Variants in CNTNAP3 observed in about 807,000 individuals in gnomAD.
The protein encoded by CNTNAP3 is contactin-associated protein-like 3.
In CNTNAP3, 36 loss-of-function variants were observed where a neutral mutation model predicts 92.1. The ratio of observed to expected loss-of-function variants is 0.39; its 90% CI spans 0.30 to 0.52. The LOEUF (loss-of-function observed/expected upper bound fraction) is 0.52, where lower values mean the gene tolerates loss of function less well. CNTNAP3 is among the 20% of genes least tolerant of loss of function. CNTNAP3 has a pLI of 0.76. For synonymous variants in CNTNAP3, 232 were observed against 422.3 expected (o/e 0.55, Z 5.53); for missense variants, 534 against 1,069.6 (o/e 0.50, Z 6.98).
chr9:39,142,471 G>C (rs1201875692), intron 11 of CNTNAP3, among the ~76,000 whole-genome samples: 2 of 152,058 alleles, frequency 1.3e-5, no homozygotes, highest in East Asian at 3.9e-4. Flanking sequence ...AGGAGATCGA[G>C]ACCATCCCGG....
chr9:39,120,074 A>G (rs1359882604), intron 13 of CNTNAP3, among the ~76,000 whole-genome samples: 3 of 152,318 alleles, frequency 2.0e-5, no homozygotes, highest in Non-Finnish European at 2.9e-5. Flanking sequence ...GTGGTGAAAG[A>G]CACAAACCCA....
At chr9:39,129,961 G>A (rs1037580682) in intron 13 of CNTNAP3, among the ~76,000 whole-genome samples, 69 of 152,252 alleles carry the variant, frequency 4.5e-4, no homozygotes, top group African/African-American at 1.6e-3. Flanking sequence ...TTACTACACA[G>A]TTATCAGAAT....
intron 19 of CNTNAP3, among the ~76,000 whole-genome samples, chr9:39,087,489 T>TTTG (rs58778684): frequency 0.2 from 29,713 of 151,702 alleles, 3,054 homozygotes; most frequent in East Asian, 0.27. Context: ...AGATTTTTTT[T>TTTG]TTTGTTTGTT....
intron 13 of CNTNAP3, among the ~76,000 whole-genome samples, chr9:39,119,528 G>T (rs550398221): frequency 2.0e-5 from 3 of 152,034 alleles, no homozygotes; most frequent in East Asian, 1.9e-4. Context: ...TTAAACTGTC[G>T]CAGATTAAAG....
chr9:39,094,957 A>G (rs1301281639), intron 18 of CNTNAP3, among the ~76,000 whole-genome samples: 2 of 151,382 alleles, frequency 1.3e-5, no homozygotes, highest in African/African-American at 4.8e-5. Context: ...AAGTTTTCCA[A>G]TTCATGAATA....
chr9:39,138,928 T>G (rs1158517299), intron 12 of CNTNAP3, among the ~76,000 whole-genome samples: 1 of 152,188 alleles, frequency 6.6e-6, no homozygotes, highest in Non-Finnish European at 1.5e-5. Flanking sequence ...TCAGTTTGCC[T>G]GGCTTTTTAC....
intron 13 of CNTNAP3, among the ~76,000 whole-genome samples, chr9:39,119,130 G>A (rs1039528318): frequency 1.3e-5 from 2 of 152,064 alleles, no homozygotes; most frequent in African/African-American, 4.8e-5. Context: ...TCACAGATGA[G>A]GCCATGAGGA....
intron 13 of CNTNAP3, among the ~76,000 whole-genome samples, chr9:39,125,901 C>T (rs1369895586): frequency 6.6e-6 from 1 of 152,074 alleles, no homozygotes; most frequent in African/African-American, 2.4e-5. Flanking sequence ...CTTCAACACC[C>T]CTCTATGAGT....
intron 18 of CNTNAP3, among the ~76,000 whole-genome samples, chr9:39,096,971 T>C (rs1462061640): frequency 6.6e-6 from 1 of 151,518 alleles, no homozygotes; most frequent in East Asian, 1.9e-4. Context: ...TTCTGATCCT[T>C]TCTCTCTCTC....
At chr9:39,113,423 A>G (rs1204355824) in intron 14 of CNTNAP3, among the ~76,000 whole-genome samples, 2 of 152,158 alleles carry the variant, frequency 1.3e-5, no homozygotes, top group Admixed American at 1.3e-4. Flanking sequence ...AATGGTAATT[A>G]TTTTAAGATT....
In CNTNAP3 at chr9:39,110,268, C is replaced by T. The variant is rs564832283; in HGVS notation, c.2238-981G>A. Among the ~76,000 whole-genome samples the T allele has an allele frequency of 4.2e-3, 644 of 152,162 alleles. 10 individuals are homozygous for T. The highest frequency in any genetic ancestry group is 0.015 in the African/African-American group (609 of 41,502). On this transcript the variant is annotated intron_variant, in intron 14 of 23. Transcript: ENST00000297668. ...AAAATTAGCTGGGTGTGATGGTGCACACCTGTAGTCCCAGCTACATGGGAG... is the reference window on the plus strand; with the variant it reads ...AAAATTAGCTGGGTGTGATGGTGCATACCTGTAGTCCCAGCTACATGGGAG...
At chr9:39,131,650 ACC>A (rs1821296500) in intron 13 of CNTNAP3, among the ~76,000 whole-genome samples, 1 of 151,984 alleles carries the variant, frequency 6.6e-6, no homozygotes. Context: ...ACACGGTGAA[ACC>A]CCGTCTCTAC....
chr9:39,131,197 C>T (rs369436179), intron 13 of CNTNAP3, among the ~76,000 whole-genome samples: 4,618 of 151,170 alleles, frequency 0.031, 112 homozygotes, highest in East Asian at 0.1. Flanking sequence ...TTTTGTAATG[C>T]CAACTTTAAA....
chr9:39,091,367 G>A (rs559547279), intron 18 of CNTNAP3, among the ~76,000 whole-genome samples: 447 of 152,008 alleles, frequency 2.9e-3, no homozygotes, highest in Middle Eastern at 6.8e-3. Flanking sequence ...GGAAGTTATC[G>A]TCTATAATTA....
At chr9:39,092,588 C>A (rs1271406776) in intron 18 of CNTNAP3, among the ~76,000 whole-genome samples, 7 of 137,172 alleles carry the variant, frequency 5.1e-5, no homozygotes, top group African/African-American at 1.9e-4. Flanking sequence ...AAAGACCCTT[C>A]ATATGATTTC....
At chr9:39,146,452 A>C (rs4062896) in intron 10 of CNTNAP3, among the ~76,000 whole-genome samples, 27 of 152,058 alleles carry the variant, frequency 1.8e-4, no homozygotes, top group Non-Finnish European at 3.2e-4. Context: ...CACTTTGGGA[A>C]GCTGACGCGG....
Position 39,278,719 on chromosome 9 carries a change from G to A in CNTNAP3, c.85+9261C>T, listed in dbSNP as rs548983154. ...GGAAAGGATTCCCTATTTAATAAAC[G>A]GTGCTGGGAAAACTGGCTAGCCATA... On this transcript the variant is annotated intron_variant, in intron 1 of 23. Transcript: ENST00000297668. Among the ~76,000 whole-genome samples, 6 of 28,672 alleles carry A rather than the reference G, an allele frequency of 2.1e-4. 3 individuals carry two copies. The Admixed American group carries it at 3.7e-3, about 18-fold the overall frequency. The allele number at this position is 28,672 out of a possible 152,430, so 18.8% of individuals were successfully genotyped here. A position where few individuals can be genotyped will look rare whatever the true frequency, so the allele number is the denominator to read the frequency against.
At chr9:39,142,154 C>A (rs1282794395) in intron 11 of CNTNAP3, among the ~76,000 whole-genome samples, 1 of 152,134 alleles carries the variant, frequency 6.6e-6, no homozygotes, top group East Asian at 1.9e-4. Context: ...ACTAATATAA[C>A]TCATTGATTA....
rs1415177497 is a variant in CNTNAP3 at position 39,226,966 on chromosome 9, A to C, written c.390+12027T>G. 1.5e-4 allele frequency among the ~76,000 whole-genome samples: 2 copies of C among 13,020 alleles called. 1 individual carries two copies. Among genetic ancestry groups the C allele is most frequent in the African/African-American group, 2.0e-4 (2 of 9,814 alleles). The allele number at this position is 13,020 out of a possible 152,430, so 8.5% of individuals were successfully genotyped here. On this transcript the variant is annotated intron_variant, in intron 3 of 23. Coordinates refer to ENST00000297668, the MANE Select transcript of CNTNAP3 (RefSeq NM_033655.5). ...TATATATATATACCATATTTTCTTT[A>C]TTCAATCCACTACTGATAAGCACCA... is the stretch of plus-strand genomic sequence containing the variant.
Sources: allele counts gnomAD v4.1 joint callset (sites outside exome capture counted in the v4.1 genomes callset), GRCh38; gene constraint gnomAD v4.1.1; transcripts MANE v1.5; gene names NCBI Gene and HGNC (gene_info 2026-07-23, HGNC 2026-07-21).